The following OR8G1 variants were observed in gnomAD, a reference collection of about 807,000 sequenced individuals.
OR8G1 encodes olfactory receptor 8G1.
For missense variants in OR8G1, 372 were observed against 356.2 expected (o/e 1.04, Z -0.36); for synonymous variants, 129 against 133.3 (o/e 0.97, Z 0.22).
chr11:124,248,803 C>G (rs2137749174), intron 2 of OR8G1, among the ~76,000 whole-genome samples: 1 of 143,226 alleles, frequency 7.0e-6, no homozygotes, highest in East Asian at 2.0e-4. Context: ...GGCTTATTTT[C>G]CAATTGACAG....
At chr11:124,243,544 C>T (rs1276296177) in intron 1 of OR8G1, among the ~76,000 whole-genome samples, 1 of 151,976 alleles carries the variant, frequency 6.6e-6, no homozygotes, top group Non-Finnish European at 1.5e-5. Flanking sequence ...AGTATCAAGT[C>T]TCTACAACAG....
intron 1 of OR8G1, among the ~76,000 whole-genome samples, chr11:124,242,043 T>C (rs1861765564): frequency 8.7e-6 from 1 of 114,848 alleles, no homozygotes; most frequent in African/African-American, 3.8e-5. Flanking sequence ...TATTTTCCTT[T>C]ACATTTATTT....
In OR8G1 at chr11:124,246,150, T is replaced by C. The variant is rs188096550; in HGVS notation, c.-96-1651T>C. 7.9e-3 allele frequency among the ~76,000 whole-genome samples: 1,209 copies of C among 152,124 alleles called. 14 individuals are homozygous for C. Among genetic ancestry groups the C allele is most frequent in the African/African-American group, 0.027 (1,136 of 41,506 alleles). On this transcript the variant is annotated intron_variant, in intron 1 of 2. Transcript: ENST00000641972. ...CTTCTAGGGTTTTTATGGTTTTATG[T>C]CTAACATTCAAGTCTTTAATCCATC...
rs1861845050 is a variant in OR8G1 at position 124,249,673 on chromosome 11, G to T, written c.-3G>T. The stretch of plus-strand genomic sequence containing the variant: ...CTCTTCCTGCAGAAACTGACTGGAG[G>T]AGATGTCAGGAGAAAATAATTCCTC... On this transcript the variant is annotated 5_prime_UTR_variant, in exon 3 of 3. Coordinates refer to ENST00000641972, the MANE Select transcript of OR8G1 (RefSeq NM_001002905.2). 1 of 1,611,848 alleles carries T rather than the reference G, an allele frequency of 6.2e-7. No individual in the cohort carries two copies. The highest frequency in any genetic ancestry group is 8.5e-7 in the Non-Finnish European group (1 of 1,178,796).
At position 124,250,408 on chromosome 11, in the gene OR8G1, A is replaced by G. The variant is rs768733589; in HGVS notation, c.733A>G (p.Met245Val). 5 of 1,613,680 alleles carry G rather than the reference A, an allele frequency of 3.1e-6. No individual in the cohort carries two copies. The highest frequency in any genetic ancestry group is 1.7e-5 in the Admixed American group (1 of 59,926). The change falls in exon 3 of 3, where the codon ATG becomes GTG. Residue 245 changes from methionine (M) to valine (V), a missense_variant. By Grantham distance (21) the Met-to-Val change is conservative. Transcript: ENST00000641972. ...SKAFSTCSSHMLAVVIFFGSA... is the reference protein window; with the variant it reads ...SKAFSTCSSHVLAVVIFFGSA... ...AGCCTTCAGCACTTGTAGCTCCCAC[A>G]TGTTGGCGGTTGTAATCTTTTTTGG... is the stretch of plus-strand genomic sequence containing the variant.
chr11:124,249,779 A>G lies in OR8G1; in HGVS notation c.104A>G (p.Tyr35Cys), dbSNP rs147084212. 6.6e-5 allele frequency: 107 copies of G among 1,613,888 alleles called. 1 individual carries two copies. In the Middle Eastern group the frequency reaches 1.2e-3, roughly 17 times the overall value. The change falls in exon 3 of 3, where the codon TAT (tyrosine) becomes TGT (cysteine). Residue 35 changes from tyrosine (Y) to cysteine (C), a missense_variant. By Grantham distance (194) the Tyr-to-Cys change is radical. Transcript: ENST00000641972. ...LPLFLLFLGI[Y>C]VVTVVGNLGM... ...CTCTTCCTCCTGTTCTTAGGAATCT[A>G]TGTGGTCACAGTGGTGGGCAACCTG...
chr11:124,248,007 C>G, intron 2 of OR8G1, 127 bp downstream of exon 2: 1 of 151,932 alleles, frequency 6.6e-6, no homozygotes, highest in East Asian at 1.9e-4. Flanking sequence ...AGTCCAGTTA[C>G]TTCACACCAA....
intron 1 of OR8G1, among the ~76,000 whole-genome samples, chr11:124,246,132 G>T (rs1369235393): frequency 2.0e-5 from 3 of 151,456 alleles, no homozygotes; most frequent in Non-Finnish European, 4.4e-5. Context: ...TTTCTTCTAG[G>T]GTTTTTATGG....
Position 124,250,809 on chromosome 11 carries a change from C to A in OR8G1, c.*198C>A. 72 of 263,084 alleles carry A rather than the reference C, an allele frequency of 2.7e-4. No homozygotes were observed. The highest frequency in any genetic ancestry group is 3.2e-4 in the Non-Finnish European group (50 of 156,050). The allele number at this position is 263,084 out of a possible 1,614,324, so 16.3% of individuals were successfully genotyped here. A position where few individuals can be genotyped will look rare whatever the true frequency, so the allele number is the denominator to read the frequency against. Reference sequence around the variant, plus strand: ...TTAACTCATATGTATCAATGAGACACAAATTAATATAAATACTAAAATCGA... The same window carrying A: ...TTAACTCATATGTATCAATGAGACAAAAATTAATATAAATACTAAAATCGA... On this transcript the variant is annotated 3_prime_UTR_variant, in exon 3 of 3. Transcript: ENST00000641972.
chr11:124,242,986 A>G (rs1023480922), intron 1 of OR8G1, among the ~76,000 whole-genome samples: 2 of 152,010 alleles, frequency 1.3e-5, no homozygotes, highest in African/African-American at 4.8e-5. Flanking sequence ...CAATTCCCAA[A>G]TCCATGTATA....
At position 124,251,162 on chromosome 11, in the gene OR8G1, A is replaced by T. The variant is rs1218608311; in HGVS notation, c.*551A>T. On this transcript the variant is annotated 3_prime_UTR_variant, in exon 3 of 3. Coordinates refer to ENST00000641972, the MANE Select transcript of OR8G1 (RefSeq NM_001002905.2). The stretch of plus-strand genomic sequence containing the variant: ...TTATAATTGTGCAATCCAATATATC[A>T]TCTGCTTTGCATTTTCCTATTCTAG... 2 of 105,960 alleles carry T rather than the reference A, an allele frequency of 1.9e-5. 1 individual carries two copies. The highest frequency in any genetic ancestry group is 3.8e-5 in the Non-Finnish European group (2 of 52,800). 6.6% of individuals were successfully genotyped at this position (105,960 alleles called of 1,614,324 possible).
rs2466710 is a variant in OR8G1 at position 124,252,735 on chromosome 11, T to C, written c.*2124T>C. ...TATTAGCTGTGTGCAAGCTGAGAGT[T>C]AACTTGCATTGAAGGTGTTACACTT... is the stretch of plus-strand genomic sequence containing the variant. On this transcript the variant is annotated 3_prime_UTR_variant, in exon 3 of 3. Coordinates refer to ENST00000641972, the MANE Select transcript of OR8G1 (RefSeq NM_001002905.2). 0.89 allele frequency: 134,946 copies of C among 152,264 alleles called. 59,996 individuals carry two copies. Among genetic ancestry groups the C allele is most frequent in the African/African-American group, 0.96 (40,080 of 41,568 alleles). The allele number at this position is 152,264 out of a possible 1,614,324, so 9.4% of individuals were successfully genotyped here.
chr11:124,242,088 T>A (rs1861766747), intron 1 of OR8G1, among the ~76,000 whole-genome samples: 1 of 139,380 alleles, frequency 7.2e-6, no homozygotes, highest in Non-Finnish European at 1.6e-5. Context: ...TTTATATATT[T>A]TTATTATTAT....
At position 124,253,877 on chromosome 11, in the gene OR8G1, A is replaced by G. The variant is rs1020811503; in HGVS notation, c.*3266A>G. ...CTACAGGTTCATCTGTATTGTTGCA[A>G]ATTTTTAAATCTAAATATTATTCCA... is the stretch of plus-strand genomic sequence containing the variant. On this transcript the variant is annotated 3_prime_UTR_variant, in exon 3 of 3. Coordinates refer to ENST00000641972, the MANE Select transcript of OR8G1 (RefSeq NM_001002905.2). 2 of 151,988 alleles carry G rather than the reference A, an allele frequency of 1.3e-5. No individual in the cohort carries two copies. The highest frequency in any genetic ancestry group is 2.4e-5 in the African/African-American group (1 of 41,360). 9.4% of individuals were successfully genotyped at this position (151,988 alleles called of 1,614,324 possible).
intron 1 of OR8G1, 115 bp downstream of exon 1, chr11:124,241,479 A>G (rs190583444): frequency 8.5e-5 from 13 of 152,202 alleles, no homozygotes; most frequent in Admixed American, 2.6e-4. Context: ...ATTATTTATG[A>G]AATGCTCTTT....
Position 124,250,169 on chromosome 11 carries a change from G to A in OR8G1, c.494G>A (p.Arg165Lys). 6.2e-7 allele frequency: 1 copy of A among 1,613,734 alleles called. No homozygotes were observed. The change falls in exon 3 of 3, where the codon AGG becomes AAG. Residue 165 changes from arginine to lysine, a missense_variant. By Grantham distance (26) the Arg-to-Lys change is conservative (BLOSUM62 2). Coordinates refer to ENST00000641972, the MANE Select transcript of OR8G1 (RefSeq NM_001002905.2). ...TCAGTTCATACAGGCTGTATGTTTAGGGTTCAATTCTGCAAATTTGATTTG... is the reference window on the plus strand; with the variant it reads ...TCAGTTCATACAGGCTGTATGTTTAAGGTTCAATTCTGCAAATTTGATTTG... Reference protein sequence around the residue: ...CASVHTGCMFRVQFCKFDLIN... With the variant: ...CASVHTGCMFKVQFCKFDLIN...
intron 1 of OR8G1, among the ~76,000 whole-genome samples, chr11:124,244,303 TATAATC>T (rs958085506): frequency 2.0e-5 from 3 of 152,012 alleles, no homozygotes; most frequent in African/African-American, 4.8e-5. Flanking sequence ...TATTTTTAAT[TATAATC>T]ATATTTACAT....
chr11:124,247,319 C>T (rs1287862021), intron 1 of OR8G1, among the ~76,000 whole-genome samples: 2 of 151,416 alleles, frequency 1.3e-5, no homozygotes, highest in Non-Finnish European at 3.0e-5. Flanking sequence ...TTTTAGGAAT[C>T]AGAAAAAAGA....
chr11:124,243,942 TAACAA>T (rs1045950912), intron 1 of OR8G1, among the ~76,000 whole-genome samples: 3 of 148,720 alleles, frequency 2.0e-5, no homozygotes, highest in Admixed American at 6.7e-5. Flanking sequence ...AATTAAAAAA[TAACAA>T]AAGAAAGAGC....
Sources: allele counts gnomAD v4.1 joint callset (sites outside exome capture counted in the v4.1 genomes callset), GRCh38; gene constraint gnomAD v4.1.1; transcripts MANE v1.5; gene names NCBI Gene and HGNC (gene_info 2026-07-23, HGNC 2026-07-21).